The following CSMD1 variants were observed in gnomAD, a reference collection of about 807,000 sequenced individuals.
The protein encoded by CSMD1 is CUB and sushi domain-containing protein 1.
CSMD1 carries 213 observed loss-of-function variants against 417.5 expected under a neutral mutation model. That is an observed-to-expected ratio of 0.51 (90% CI 0.46 to 0.57). The LOEUF (loss-of-function observed/expected upper bound fraction) is 0.57, where lower values mean the gene tolerates loss of function less well. Ranked by LOEUF, CSMD1 falls within the 20% of genes least tolerant of loss-of-function variation. The pLI, the probability that CSMD1 is intolerant of heterozygous loss-of-function variation, is 0.00. For synonymous variants in CSMD1, 2,862 were observed against 1,736.8 expected, an observed-to-expected ratio of 1.65 and a Z score of -16.11; for missense variants, 6,923 against 4,529.7, an observed-to-expected ratio of 1.53 and a Z score of -15.17.
chr8:4,428,737 T>G (rs1797703006), intron 2 of CSMD1, among the ~76,000 whole-genome samples: 1 of 152,160 alleles, frequency 6.6e-6, no homozygotes, highest in Non-Finnish European at 1.5e-5. Flanking sequence ...ATTTATTTAT[T>G]GAGAAGGAGT....
intron 2 of CSMD1, among the ~76,000 whole-genome samples, chr8:4,429,541 A>C (rs1177010020): frequency 6.6e-6 from 1 of 152,152 alleles, no homozygotes; most frequent in African/African-American, 2.4e-5. Flanking sequence ...AAAATTGCAA[A>C]AGCGTGAGAC....
intron 1 of CSMD1, among the ~76,000 whole-genome samples, chr8:4,882,945 G>A (rs182240468): frequency 6.6e-6 from 1 of 151,972 alleles, no homozygotes; most frequent in South Asian, 2.1e-4. Context: ...GAGGGAGCTA[G>A]CAGTGTTAGC....
intron 5 of CSMD1, among the ~76,000 whole-genome samples, chr8:3,989,103 G>C (rs951842926): frequency 6.6e-6 from 1 of 152,150 alleles, no homozygotes; most frequent in Non-Finnish European, 1.5e-5. Flanking sequence ...AGCAGTAAAC[G>C]TGCAGCTAGT....
intron 9 of CSMD1, among the ~76,000 whole-genome samples, chr8:3,580,936 C>G (rs1340786643): frequency 1.3e-5 from 2 of 152,146 alleles, no homozygotes; most frequent in South Asian, 2.1e-4. Context: ...TAATTTTTAG[C>G]TAACCTCATC....
chr8:3,694,619 C>T (rs75387794), intron 7 of CSMD1, among the ~76,000 whole-genome samples: 3,878 of 151,926 alleles, frequency 0.026, 163 homozygotes, highest in African/African-American at 0.088. Context: ...AGGACCCAGC[C>T]CTGGGCATGA....
At chr8:3,617,713 A>T (rs940537538) in intron 7 of CSMD1, among the ~76,000 whole-genome samples, 2 of 152,172 alleles carry the variant, frequency 1.3e-5, no homozygotes, top group Non-Finnish European at 2.9e-5. Flanking sequence ...TGTGTCAAGA[A>T]CCTGGACCTG....
chr8:3,688,928 G>C (rs1800087606), intron 7 of CSMD1, among the ~76,000 whole-genome samples: 1 of 152,044 alleles, frequency 6.6e-6, no homozygotes, highest in Non-Finnish European at 1.5e-5. Flanking sequence ...TAAAAAAAGT[G>C]AAAATTAAGT....
At chr8:3,987,281 A>T (rs1814406451) in intron 5 of CSMD1, among the ~76,000 whole-genome samples, 1 of 152,168 alleles carries the variant, frequency 6.6e-6, no homozygotes, top group Non-Finnish European at 1.5e-5. Flanking sequence ...GTGTTTCTGT[A>T]ACATGTTCTG....
intron 2 of CSMD1, among the ~76,000 whole-genome samples, chr8:4,557,754 G>C (rs1046955555): frequency 6.7e-6 from 1 of 150,210 alleles, no homozygotes; most frequent in Non-Finnish European, 1.5e-5. Context: ...AAAGGTGTTT[G>C]ACAGCATTAA....
At chr8:4,039,350 A>C (rs1019415377) in intron 3 of CSMD1, among the ~76,000 whole-genome samples, 7 of 152,198 alleles carry the variant, frequency 4.6e-5, no homozygotes, top group Admixed American at 2.6e-4. Context: ...TTGCTGCTGA[A>C]AGCTCTTCAC....
At chr8:3,599,158 T>C (rs1417462639) in intron 8 of CSMD1, among the ~76,000 whole-genome samples, 7 of 141,734 alleles carry the variant, frequency 4.9e-5, no homozygotes, top group Non-Finnish European at 7.5e-5. Flanking sequence ...TGTCTGTGTG[T>C]GTGTCTGTGT....
intron 2 of CSMD1, among the ~76,000 whole-genome samples, chr8:4,542,398 T>C (rs1321495942): frequency 6.6e-6 from 1 of 152,182 alleles, no homozygotes; most frequent in African/African-American, 2.4e-5. Flanking sequence ...TTCAGAAGAA[T>C]AACCATTAAA....
chr8:3,926,524 C>G (rs939134907), intron 5 of CSMD1, among the ~76,000 whole-genome samples: 10 of 151,700 alleles, frequency 6.6e-5, no homozygotes, highest in African/African-American at 2.4e-4. Context: ...TTTTCACTTA[C>G]AAAAAGCAAA....
chr8:4,131,514 A>G (rs1166676762), intron 3 of CSMD1, among the ~76,000 whole-genome samples: 6 of 152,184 alleles, frequency 3.9e-5, no homozygotes. Context: ...TTCACTAAAC[A>G]TTATGTTTAA....
At chr8:3,865,772 G>C (rs1021590237) in intron 5 of CSMD1, among the ~76,000 whole-genome samples, 1 of 152,002 alleles carries the variant, frequency 6.6e-6, no homozygotes, top group African/African-American at 2.4e-5. Context: ...CTAGGTTTCC[G>C]TCATATTTCT....
chr8:4,138,407 T>A (rs1300718496), intron 3 of CSMD1, among the ~76,000 whole-genome samples: 3 of 151,998 alleles, frequency 2.0e-5, no homozygotes, highest in Non-Finnish European at 4.4e-5. Context: ...TACGTCCAGT[T>A]CTGAGCTCTC....
At chr8:3,017,880 G>T (rs1026575652) in intron 52 of CSMD1, among the ~76,000 whole-genome samples, 3 of 148,420 alleles carry the variant, frequency 2.0e-5, no homozygotes, top group Non-Finnish European at 4.4e-5. Flanking sequence ...AGGCAAGTAA[G>T]GTATTTTACA....
At chr8:4,566,652 C>CAA (rs35448667) in intron 2 of CSMD1, among the ~76,000 whole-genome samples, 13 of 62,842 alleles carry the variant, frequency 2.1e-4, no homozygotes, top group South Asian at 9.4e-4. Context: ...GACTCTGACT[C>CAA]AAAAAAAAAA....
At chr8:2,939,317 G>C (rs186685133) in intron 69 of CSMD1, among the ~76,000 whole-genome samples, 1,538 of 152,300 alleles carry the variant, frequency 0.01, 9 homozygotes, top group South Asian at 0.019. Flanking sequence ...TCAAGTTTAA[G>C]CTTTTAGTTC....
Sources: gnomAD v4.1 joint callset for allele counts (sites outside exome capture counted in the v4.1 genomes callset) on GRCh38, gnomAD v4.1.1 for gene constraint, MANE v1.5 for transcripts, NCBI Gene and HGNC (gene_info 2026-07-23, HGNC 2026-07-21) for gene names.